DISC1: variants seen among roughly 807,000 people sequenced by gnomAD.
DISC1 encodes the protein DISC1 scaffold protein.
Under a neutral mutation model 84.5 loss-of-function variants are expected in DISC1, and 57 were observed. The ratio of observed to expected loss-of-function variants is 0.67; its 90% CI spans 0.55 to 0.84. DISC1 has a LOEUF of 0.84. Among genes scored for constraint, DISC1 ranks in the 40% least tolerant of loss-of-function variants. The probability of loss-of-function intolerance (pLI) is 0.00; values close to 1 mark genes in which losing one functional copy is unlikely to be tolerated. For synonymous variants in DISC1, 411 were observed against 415.2 expected (o/e 0.99, Z 0.12); for missense variants, 1,000 against 1,057.8 (o/e 0.95, Z 0.76).
rs149834065 is a variant in DISC1 at position 231,810,694 on chromosome 1, C to T, written c.1793-7635C>T. On this transcript the variant is annotated intron_variant, in intron 8 of 12. Coordinates refer to ENST00000439617, the MANE Select transcript of DISC1 (RefSeq NM_018662.3). ...ATCAATGCGGGGAAGCTGGAGGCGG[C>T]TCACTAGAAGCGAACATCCTGTGTG... is the stretch of plus-strand genomic sequence containing the variant. Among the ~76,000 whole-genome samples, 250 of 152,260 alleles carry T rather than the reference C, an allele frequency of 1.6e-3. 1 individual carries two copies. Among genetic ancestry groups the T allele is most frequent in the African/African-American group, 5.8e-3 (241 of 41,540 alleles).
At chr1:231,902,998 A>G (rs1365389838) in intron 9 of DISC1, among the ~76,000 whole-genome samples, 2 of 150,848 alleles carry the variant, frequency 1.3e-5, no homozygotes, top group Non-Finnish European at 3.0e-5. Context: ...GTGTCTTTGT[A>G]TCTCTTCTTC....
chr1:232,004,230 A>T (rs1401971753), intron 10 of DISC1, among the ~76,000 whole-genome samples: 1 of 152,080 alleles, frequency 6.6e-6, no homozygotes, highest in East Asian at 1.9e-4. Context: ...AATATAAGAT[A>T]AGAACAAATC....
At chr1:231,876,585 A>G (rs2085905351) in intron 9 of DISC1, among the ~76,000 whole-genome samples, 1 of 152,194 alleles carries the variant, frequency 6.6e-6, no homozygotes, top group Non-Finnish European at 1.5e-5. Context: ...TGCCTTTTGT[A>G]GAAATGGTGT....
At chr1:231,878,178 G>A (rs988803313) in intron 9 of DISC1, among the ~76,000 whole-genome samples, 1 of 152,134 alleles carries the variant, frequency 6.6e-6, no homozygotes, top group African/African-American at 2.4e-5. Context: ...AGACAGATAG[G>A]CACTCTGACT....
At chr1:231,922,335 G>A (rs983210666) in intron 9 of DISC1, among the ~76,000 whole-genome samples, 4 of 152,158 alleles carry the variant, frequency 2.6e-5, no homozygotes, top group Non-Finnish European at 4.4e-5. Flanking sequence ...TTGCTAACAC[G>A]TATGAACTGC....
chr1:232,016,375 G>A (rs1668492439), intron 11 of DISC1, among the ~76,000 whole-genome samples: 2 of 152,126 alleles, frequency 1.3e-5, no homozygotes, highest in African/African-American at 2.4e-5. Flanking sequence ...AAGGGCCTTA[G>A]GGTTGGATGT....
intron 9 of DISC1, among the ~76,000 whole-genome samples, chr1:231,907,452 T>C: frequency 7.1e-6 from 1 of 140,390 alleles, no homozygotes; most frequent in East Asian, 1.9e-4. Context: ...TTGCTGAGAA[T>C]GATGGTTTCC....
At chr1:231,932,877 C>T (rs901323599) in intron 9 of DISC1, among the ~76,000 whole-genome samples, 1 of 152,146 alleles carries the variant, frequency 6.6e-6, no homozygotes, top group Admixed American at 6.5e-5. Context: ...TGAAAAAAAT[C>T]GTATTTTGCC....
chr1:231,937,597 C>T (rs552994434), intron 9 of DISC1, among the ~76,000 whole-genome samples: 90 of 152,306 alleles, frequency 5.9e-4, no homozygotes, highest in African/African-American at 2.0e-3. Context: ...GTTACAGCAC[C>T]GGAACATGGT....
rs564124019 is a variant in DISC1 at position 231,990,732 on chromosome 1, G to A, written c.2043-18053G>A. On this transcript the variant is annotated intron_variant, in intron 10 of 12. Coordinates refer to ENST00000439617, the MANE Select transcript of DISC1 (RefSeq NM_018662.3). ...CACTGGAAATGACTCTGCTTCCCCTGCAGACACACCCTGATGAGGCTGCAG... is the reference window on the plus strand; with the variant it reads ...CACTGGAAATGACTCTGCTTCCCCTACAGACACACCCTGATGAGGCTGCAG... Among the ~76,000 whole-genome samples the A allele has an allele frequency of 2.6e-5, 4 of 152,292 alleles. No homozygotes were observed. In the East Asian group the frequency reaches 7.7e-4, roughly 29 times the overall value.
chr1:231,659,114 CT>C (rs1036880747), intron 1 of DISC1, among the ~76,000 whole-genome samples: 2 of 151,860 alleles, frequency 1.3e-5, no homozygotes, highest in South Asian at 2.1e-4. Context: ...TGTTCCTGGG[CT>C]TTTTTTGGTT....
At chr1:231,858,043 AC>A (rs1359319090) in intron 9 of DISC1, among the ~76,000 whole-genome samples, 9 of 152,290 alleles carry the variant, frequency 5.9e-5, no homozygotes, top group Admixed American at 5.9e-4. Context: ...CGGGCTAAAC[AC>A]AATTGTGGAT....
intron 9 of DISC1, among the ~76,000 whole-genome samples, chr1:231,893,645 C>G (rs774057859): frequency 1.4e-4 from 22 of 152,002 alleles, no homozygotes; most frequent in Non-Finnish European, 2.4e-4. Flanking sequence ...GCGGGGCATG[C>G]TATTCTCATG....
chr1:231,939,455 C>A (rs2091171803), intron 9 of DISC1, among the ~76,000 whole-genome samples: 1 of 152,172 alleles, frequency 6.6e-6, no homozygotes, highest in Non-Finnish European at 1.5e-5. Context: ...GTGGCCGTAT[C>A]ATTCTCCTTT....
chr1:231,776,742 T>A (rs192503648), intron 6 of DISC1, among the ~76,000 whole-genome samples: 1 of 152,256 alleles, frequency 6.6e-6, no homozygotes, highest in East Asian at 1.9e-4. Flanking sequence ...AGCTCACAAC[T>A]GAATGGGAAA....
intron 9 of DISC1, among the ~76,000 whole-genome samples, chr1:231,853,516 G>A (rs1280148517): frequency 6.6e-6 from 1 of 152,190 alleles, no homozygotes; most frequent in African/African-American, 2.4e-5. Context: ...TAAAAATGTG[G>A]CATTATAATC....
At chr1:231,813,147 A>G (rs2080489410) in intron 8 of DISC1, 1 of 152,144 alleles carries the variant, frequency 6.6e-6, no homozygotes, top group Admixed American at 6.6e-5. Flanking sequence ...ATTTGCAGCA[A>G]AACTTCTGTA....
At chr1:231,728,019 T>C (rs1351361146) in intron 3 of DISC1, among the ~76,000 whole-genome samples, 8 of 152,078 alleles carry the variant, frequency 5.3e-5, no homozygotes, top group African/African-American at 1.9e-4. Flanking sequence ...TTGTTTAGGA[T>C]GAATCCAGGA....
At chr1:231,835,271 G>T (rs1175265200) in intron 9 of DISC1, among the ~76,000 whole-genome samples, 1 of 152,196 alleles carries the variant, frequency 6.6e-6, no homozygotes, top group African/African-American at 2.4e-5. Flanking sequence ...CGCTAAACAG[G>T]CTTTGTGTGA....
Sources: gnomAD v4.1 joint callset for allele counts (sites outside exome capture counted in the v4.1 genomes callset) on GRCh38, gnomAD v4.1.1 for gene constraint, MANE v1.5 for transcripts, NCBI Gene and HGNC (gene_info 2026-07-23, HGNC 2026-07-21) for gene names.